GALNTL6: variants seen among roughly 807,000 people sequenced by gnomAD.
GALNTL6 encodes polypeptide N-acetylgalactosaminyltransferase like 6.
GALNTL6 carries 46 observed loss-of-function variants against 73.7 expected under a neutral mutation model. That is an observed-to-expected ratio of 0.62 (90% confidence interval 0.49 to 0.80). The LOEUF (loss-of-function observed/expected upper bound fraction) is 0.80. Among genes scored for constraint, GALNTL6 ranks in the 30% least tolerant of loss-of-function variants. The probability of loss-of-function intolerance (pLI) is 0.00; values close to 1 mark genes in which losing one functional copy is unlikely to be tolerated. For missense variants in GALNTL6, 604 were observed against 755.0 expected, an observed-to-expected ratio of 0.80 and a Z score of 2.34; for synonymous variants, 259 against 263.7, an observed-to-expected ratio of 0.98 and a Z score of 0.17.
At chr4:172,112,761 T>A (rs1055932846) in intron 2 of GALNTL6, among the ~76,000 whole-genome samples, 2 of 151,924 alleles carry the variant, frequency 1.3e-5, no homozygotes, top group East Asian at 3.9e-4. Flanking sequence ...ATGATTAAAT[T>A]CTGAGGCTGG....
Position 171,913,563 on chromosome 4 carries a change from A to G in GALNTL6, c.138+98845A>G, listed in dbSNP as rs557350096. 4.6e-5 allele frequency among the ~76,000 whole-genome samples: 7 copies of G among 152,342 alleles called. No individual in the cohort carries two copies. In the South Asian group the frequency reaches 8.3e-4, roughly 18 times the overall value. ...CATTTCTTCAGAAATATTCAAAGCAAACCATTTTTCATATAAATCTATATT... is the reference window on the plus strand; with the variant it reads ...CATTTCTTCAGAAATATTCAAAGCAGACCATTTTTCATATAAATCTATATT... On this transcript the variant is annotated intron_variant, in intron 2 of 12. Transcript: ENST00000506823.
chr4:172,128,744 T>A (rs1279208844), intron 2 of GALNTL6, among the ~76,000 whole-genome samples: 1 of 152,212 alleles, frequency 6.6e-6, no homozygotes, highest in East Asian at 1.9e-4. Context: ...CGGCCTTGGA[T>A]TTTTAATAAC....
intron 4 of GALNTL6, among the ~76,000 whole-genome samples, chr4:172,314,314 G>T (rs1310987726): frequency 6.6e-6 from 1 of 152,058 alleles, no homozygotes; most frequent in East Asian, 1.9e-4. Flanking sequence ...TGCTAGGAGG[G>T]AAGAGTTTAT....
chr4:172,606,671 A>ATAG (rs1738310366), intron 5 of GALNTL6, among the ~76,000 whole-genome samples: 2 of 47,194 alleles, frequency 4.2e-5, no homozygotes, highest in African/African-American at 9.1e-5. Flanking sequence ...TACTATATAT[A>ATAG]TATACTATAT....
At chr4:172,074,385 A>G (rs1731640768) in intron 2 of GALNTL6, among the ~76,000 whole-genome samples, 1 of 152,210 alleles carries the variant, frequency 6.6e-6, no homozygotes, top group Non-Finnish European at 1.5e-5. Flanking sequence ...TTAATGAAGC[A>G]AAACAAACAA....
rs1003849889 is a variant in GALNTL6 at position 172,520,771 on chromosome 4, C to A, written c.553+172082C>A. 2.0e-5 allele frequency among the ~76,000 whole-genome samples: 3 copies of A among 151,918 alleles called. No individual in the cohort carries two copies. In the East Asian group the frequency reaches 5.8e-4, roughly 29 times the overall value. ...AAACTCAACTAACATATTCTCATAT[C>A]TGGTCATGTTACATACAGATCCATT... On this transcript the variant is annotated intron_variant, in intron 5 of 12. Coordinates refer to ENST00000506823, the MANE Select transcript of GALNTL6 (RefSeq NM_001034845.3).
At chr4:172,053,981 C>T (rs1031896549) in intron 2 of GALNTL6, among the ~76,000 whole-genome samples, 8 of 151,844 alleles carry the variant, frequency 5.3e-5, no homozygotes, top group African/African-American at 1.9e-4. Flanking sequence ...AAAACAAAAT[C>T]CAAAATTAAT....
chr4:173,021,305 A>C (rs1752979994), intron 11 of GALNTL6, among the ~76,000 whole-genome samples, 171 bp from the exon 12 acceptor site: 1 of 152,130 alleles, frequency 6.6e-6, no homozygotes, highest in African/African-American at 2.4e-5. Flanking sequence ...CTGCTACAGC[A>C]CTTTATGACA....
chr4:172,254,602 T>A (rs1398235981), intron 3 of GALNTL6, among the ~76,000 whole-genome samples: 3 of 151,784 alleles, frequency 2.0e-5, no homozygotes. Context: ...TGTAACATTA[T>A]GTTTTATGTA....
rs142772558 is a variant in GALNTL6, at chr4:172,258,290, AT to A, written c.247+28527del. ...TTTGGGGAGTACTGCCTTCACTCCT[AT>A]GATTTTTCATTAGTATGTTATTTTT... On this transcript the variant is annotated intron_variant, in intron 3 of 12. Coordinates refer to ENST00000506823, the MANE Select transcript of GALNTL6 (RefSeq NM_001034845.3). 6.6e-5 allele frequency among the ~76,000 whole-genome samples: 10 copies of A among 151,272 alleles called. No individual in the cohort carries two copies. In the East Asian group the frequency reaches 1.9e-3, roughly 29 times the overall value.
intron 5 of GALNTL6, among the ~76,000 whole-genome samples, chr4:172,353,581 A>G (rs999672367): frequency 2.6e-5 from 4 of 152,024 alleles, no homozygotes; most frequent in Admixed American, 1.3e-4. Context: ...TTTAATTCCA[A>G]TTTACTGTCA....
chr4:172,499,242 G>A (rs1320557138), intron 5 of GALNTL6, among the ~76,000 whole-genome samples: 1 of 152,100 alleles, frequency 6.6e-6, no homozygotes, highest in African/African-American at 2.4e-5. Flanking sequence ...TGGTGCTTTG[G>A]GGAGGTAATT....
At chr4:172,290,297 G>T (rs190651083) in intron 3 of GALNTL6, among the ~76,000 whole-genome samples, 7 of 152,178 alleles carry the variant, frequency 4.6e-5, no homozygotes, top group Admixed American at 2.0e-4. Context: ...GTATGAGACC[G>T]AACCATATTT....
chr4:172,300,054 G>A (rs1414697990), intron 3 of GALNTL6, among the ~76,000 whole-genome samples: 1 of 152,182 alleles, frequency 6.6e-6, no homozygotes, highest in Non-Finnish European at 1.5e-5. Context: ...GGGTGCTCCT[G>A]TATTGGGTGC....
At chr4:172,450,249 C>G (rs531478496) in intron 5 of GALNTL6, among the ~76,000 whole-genome samples, 64 of 151,824 alleles carry the variant, frequency 4.2e-4, no homozygotes, top group African/African-American at 1.4e-3. Flanking sequence ...CTTCCTCCCC[C>G]TAAACTGACT....
intron 5 of GALNTL6, among the ~76,000 whole-genome samples, chr4:172,788,585 T>A (rs1739803967): frequency 1.4e-5 from 2 of 145,582 alleles, no homozygotes; most frequent in Non-Finnish European, 3.0e-5. Context: ...GGCAGGAGAA[T>A]GCCGTGAAAC....
In GALNTL6 at chr4:172,194,390, A is replaced by T. The variant is rs1390138997; in HGVS notation, c.139-35266A>T. ...GTTGGAAAACAAACTTCACGATACC[A>T]TCCAGGCGAATTCCCTCACCTAGCA... On this transcript the variant is annotated intron_variant, in intron 2 of 12. Coordinates refer to ENST00000506823, the MANE Select transcript of GALNTL6 (RefSeq NM_001034845.3). Among the ~76,000 whole-genome samples, 4 of 152,202 alleles carry T rather than the reference A, an allele frequency of 2.6e-5. No homozygotes were observed. The East Asian group carries it at 7.7e-4, about 29-fold the overall frequency.
chr4:172,306,121 G>A (rs1195833154), intron 3 of GALNTL6, among the ~76,000 whole-genome samples: 3 of 152,158 alleles, frequency 2.0e-5, no homozygotes, highest in Non-Finnish European at 4.4e-5. Context: ...GGGCGTGGTG[G>A]CTCATGCCTG....
chr4:172,888,631 C>A (rs1745854753), intron 8 of GALNTL6, among the ~76,000 whole-genome samples: 1 of 152,148 alleles, frequency 6.6e-6, no homozygotes, highest in Admixed American at 6.5e-5. Context: ...TGTTTTCGTA[C>A]CAGTACCCTC....
Sources: allele counts gnomAD v4.1 joint callset (sites outside exome capture counted in the v4.1 genomes callset), GRCh38; gene constraint gnomAD v4.1.1; transcripts MANE v1.5; gene names NCBI Gene and HGNC (gene_info 2026-07-23, HGNC 2026-07-21).